Variants in TMCC1 observed in about 807,000 individuals in gnomAD.
TMCC1 encodes transmembrane and coiled-coil domain family 1.
TMCC1 carries 15 observed loss-of-function variants against 52.4 expected under a neutral mutation model. The observed-to-expected ratio is 0.29, with a 90% confidence interval of 0.19 to 0.44. The LOEUF is 0.44. Among genes scored for constraint, TMCC1 ranks in the 20% least tolerant of loss-of-function variants. TMCC1 has a pLI of 1.00. For synonymous variants in TMCC1, 279 were observed against 301.9 expected, an observed-to-expected ratio of 0.92 and a Z score of 0.79; for missense variants, 503 against 806.0, an observed-to-expected ratio of 0.62 and a Z score of 4.55.
chr3:129,662,237 T>C (rs955695412), intron 5 of TMCC1, among the ~76,000 whole-genome samples: 1 of 152,190 alleles, frequency 6.6e-6, no homozygotes, highest in Non-Finnish European at 1.5e-5. Context: ...CCTCACTTAA[T>C]GATGGGGACA....
intron 2 of TMCC1, among the ~76,000 whole-genome samples, chr3:129,854,499 T>C (rs2060063150): frequency 6.6e-6 from 1 of 152,142 alleles, no homozygotes; most frequent in Admixed American, 6.6e-5. Context: ...AAAAACTTCT[T>C]AACATGACCT....
chr3:129,763,721 A>T (rs2053846871), intron 4 of TMCC1, among the ~76,000 whole-genome samples: 1 of 151,170 alleles, frequency 6.6e-6, no homozygotes, highest in African/African-American at 2.4e-5. Context: ...AGCTATGGCT[A>T]CCTCTAAGTA....
chr3:129,702,391 C>A (rs905832806), intron 4 of TMCC1, among the ~76,000 whole-genome samples: 1 of 151,928 alleles, frequency 6.6e-6, no homozygotes, highest in Non-Finnish European at 1.5e-5. Context: ...TACCTTCAAT[C>A]TTAAAAAATA....
rs1310585619 is a variant in TMCC1 at position 129,763,244 on chromosome 3, AAATAAAT to A, written c.576+64552_576+64558del. Among the ~76,000 whole-genome samples the A allele has an allele frequency of 2.0e-3, 286 of 142,296 alleles. 3 individuals are homozygous for A. The highest frequency in any genetic ancestry group is 7.2e-3 in the African/African-American group (279 of 38,752). The allele number at this position is 142,296 out of a possible 152,430, so 93.4% of individuals were successfully genotyped here. ...TAAATAAATAAATAAATAAATAAAT[AAATAAAT>A]ATCATTATATAGCCAGGTGTGGAGC... is the stretch of plus-strand genomic sequence containing the variant. On this transcript the variant is annotated intron_variant, in intron 4 of 6. Transcript: ENST00000393238.
At chr3:129,799,309 T>A (rs1004628725) in intron 4 of TMCC1, among the ~76,000 whole-genome samples, 2 of 152,140 alleles carry the variant, frequency 1.3e-5, no homozygotes, top group African/African-American at 4.8e-5. Flanking sequence ...AGTAAATGCA[T>A]GAAAGGAAGA....
intron 4 of TMCC1, among the ~76,000 whole-genome samples, chr3:129,679,392 G>C (rs1035793175): frequency 2.0e-5 from 3 of 152,094 alleles, no homozygotes; most frequent in Non-Finnish European, 4.4e-5. Context: ...TGCAACCTCC[G>C]CCTCCAGGGT....
intron 4 of TMCC1, among the ~76,000 whole-genome samples, chr3:129,816,107 G>C (rs1311907398): frequency 6.6e-6 from 1 of 152,122 alleles, no homozygotes; most frequent in Non-Finnish European, 1.5e-5. Flanking sequence ...GGAGGATGTG[G>C]AGAAAGGGGA....
chr3:129,693,648 C>A (rs1315103828), intron 4 of TMCC1, among the ~76,000 whole-genome samples: 1 of 151,794 alleles, frequency 6.6e-6, no homozygotes, highest in Admixed American at 6.6e-5. Flanking sequence ...CTGTGCCCAT[C>A]CCATGTTATC....
chr3:129,810,540 T>C (rs192369283), intron 4 of TMCC1, among the ~76,000 whole-genome samples: 158 of 152,284 alleles, frequency 1.0e-3, no homozygotes, highest in African/African-American at 3.4e-3. Flanking sequence ...TATCTTTATG[T>C]ACAGAAACTT....
intron 4 of TMCC1, among the ~76,000 whole-genome samples, chr3:129,682,199 A>G (rs890115652): frequency 1.3e-5 from 2 of 152,094 alleles, no homozygotes; most frequent in African/African-American, 4.8e-5. Flanking sequence ...GGGCGTGATC[A>G]TTGTGCACTG....
At chr3:129,867,280 T>C (rs2060696507) in intron 2 of TMCC1, among the ~76,000 whole-genome samples, 1 of 152,162 alleles carries the variant, frequency 6.6e-6, no homozygotes, top group Non-Finnish European at 1.5e-5. Context: ...GATTCAAGTA[T>C]CTCCATGCTT....
At chr3:129,789,945 T>TG (rs201964158) in intron 4 of TMCC1, among the ~76,000 whole-genome samples, 1,867 of 152,290 alleles carry the variant, frequency 0.012, 28 homozygotes, top group African/African-American at 0.043. Context: ...TAGGAAAAGA[T>TG]GCCACAAACT....
At chr3:129,674,304 C>T (rs1476882981) in intron 4 of TMCC1, among the ~76,000 whole-genome samples, 1 of 152,164 alleles carries the variant, frequency 6.6e-6, no homozygotes, top group Non-Finnish European at 1.5e-5. Flanking sequence ...TGTGTCCTGG[C>T]TCCTACTCAG....
intron 4 of TMCC1, among the ~76,000 whole-genome samples, chr3:129,792,046 CTT>C (rs777019860): frequency 9.2e-5 from 14 of 152,044 alleles, no homozygotes; most frequent in Non-Finnish European, 1.8e-4. Flanking sequence ...TCAGTACTTT[CTT>C]TTTGTTAAAA....
intron 5 of TMCC1, among the ~76,000 whole-genome samples, chr3:129,666,978 T>G (rs972732896): frequency 6.6e-6 from 1 of 151,778 alleles, no homozygotes; most frequent in African/African-American, 2.4e-5. Flanking sequence ...CTCAGCTCAC[T>G]GCAACCTCCA....
chr3:129,724,802 A>G (rs140093127), intron 4 of TMCC1, among the ~76,000 whole-genome samples: 241 of 152,324 alleles, frequency 1.6e-3, no homozygotes, highest in African/African-American at 5.5e-3. Flanking sequence ...AAAGTGACCC[A>G]ATAGTTTTAT....
intron 4 of TMCC1, among the ~76,000 whole-genome samples, chr3:129,814,915 T>C (rs1037302947): frequency 2.0e-5 from 3 of 152,106 alleles, no homozygotes; most frequent in African/African-American, 4.8e-5. Flanking sequence ...CAAACATTAG[T>C]AGATCTAAAG....
At chr3:129,807,925 GATTA>G (rs1667230996) in intron 4 of TMCC1, among the ~76,000 whole-genome samples, 1 of 152,142 alleles carries the variant, frequency 6.6e-6, no homozygotes, top group Non-Finnish European at 1.5e-5. Flanking sequence ...TTTATTAATA[GATTA>G]AGGAGTCCCA....
chr3:129,654,246 C>T (rs891706818), intron 6 of TMCC1, among the ~76,000 whole-genome samples: 19 of 152,104 alleles, frequency 1.2e-4, no homozygotes, highest in Admixed American at 1.0e-3. Context: ...TATAGACAGA[C>T]AATGGATGCT....
Sources: allele counts gnomAD v4.1 joint callset (sites outside exome capture counted in the v4.1 genomes callset), GRCh38; gene constraint gnomAD v4.1.1; transcripts MANE v1.5; gene names NCBI Gene and HGNC (gene_info 2026-07-23, HGNC 2026-07-21).